The following DIAPH2 variants were observed in gnomAD, a reference collection of about 807,000 sequenced individuals.
DIAPH2 encodes diaphanous related formin 2.
In DIAPH2, 35 loss-of-function variants were observed where a neutral mutation model predicts 92.7. The observed-to-expected ratio is 0.38, with a 90% confidence interval of 0.29 to 0.50. DIAPH2 has a LOEUF of 0.50. DIAPH2 is among the 20% of genes least tolerant of loss of function. The pLI is 0.94. For missense variants in DIAPH2, 701 were observed against 819.5 expected (o/e 0.86, Z 1.77); for synonymous variants, 301 against 280.4 (o/e 1.07, Z -0.73).
At chrX:97,270,503 T>G (rs932251267) in intron 23 of DIAPH2, among the ~76,000 whole-genome samples, 1 of 111,876 alleles carries the variant, frequency 8.9e-6, no homozygotes, top group Admixed American at 9.5e-5. Flanking sequence ...GGTGGCAGCC[T>G]TAACAAGGAT....
chrX:97,570,135 TAGA>T (rs1569426295), intron 26 of DIAPH2, among the ~76,000 whole-genome samples: 1 of 71,882 alleles, frequency 1.4e-5, no homozygotes, highest in African/African-American at 5.4e-5. Context: ...AGAAGATAGA[TAGA>T]TAGATAGATA....
intron 26 of DIAPH2, among the ~76,000 whole-genome samples, chrX:97,477,827 T>C (rs1255654360): frequency 5.4e-5 from 6 of 111,609 alleles, no homozygotes; most frequent in African/African-American, 2.0e-4. Flanking sequence ...CCTATAAATT[T>C]CTTATGAAAT....
intron 3 of DIAPH2, among the ~76,000 whole-genome samples, chrX:96,746,063 A>AT (rs2064147973): frequency 1.8e-5 from 2 of 110,486 alleles, no homozygotes; most frequent in Non-Finnish European, 3.8e-5. Flanking sequence ...AATAAACGTG[A>AT]TTTTTTTGTT....
chrX:96,981,270 A>T (rs1272894998), intron 17 of DIAPH2, among the ~76,000 whole-genome samples: 1 of 111,515 alleles, frequency 9.0e-6, no homozygotes, highest in Non-Finnish European at 1.9e-5. Context: ...GTTGTGGTTG[A>T]TTTAGTCAAT....
intron 23 of DIAPH2, among the ~76,000 whole-genome samples, chrX:97,291,497 A>G (rs2068590267): frequency 8.9e-6 from 1 of 111,888 alleles, no homozygotes; most frequent in Non-Finnish European, 1.9e-5. Context: ...TGATAGGACC[A>G]GGAATAGCTT....
chrX:97,503,353 C>A (rs1325371764), intron 26 of DIAPH2, among the ~76,000 whole-genome samples: 2 of 111,986 alleles, frequency 1.8e-5, no homozygotes, highest in Non-Finnish European at 3.8e-5. Flanking sequence ...GGTTTACATG[C>A]ACTTGAACTG....
chrX:96,976,870 G>T (rs1416374794), intron 17 of DIAPH2, among the ~76,000 whole-genome samples: 1 of 111,089 alleles, frequency 9.0e-6, no homozygotes, highest in African/African-American at 3.3e-5. Context: ...TCCCAAGAGC[G>T]ATTATAATTA....
At chrX:97,511,250 G>C (rs1442171004) in intron 26 of DIAPH2, among the ~76,000 whole-genome samples, 4 of 92,554 alleles carry the variant, frequency 4.3e-5, no homozygotes, top group African/African-American at 1.6e-4. Context: ...GGATTCCTAG[G>C]TATTTTATTC....
At chrX:97,370,177 T>A (rs761889592) in intron 24 of DIAPH2, among the ~76,000 whole-genome samples, 2 of 111,869 alleles carry the variant, frequency 1.8e-5, no homozygotes, top group African/African-American at 6.5e-5. Flanking sequence ...CACTGGATAT[T>A]AATCAGCCTA....
chrX:97,308,523 T>C (rs1003448056), intron 23 of DIAPH2, among the ~76,000 whole-genome samples: 5 of 110,665 alleles, frequency 4.5e-5, no homozygotes, highest in African/African-American at 6.6e-5. Context: ...GGCTCACGTC[T>C]GTAATCCCAG....
At chrX:96,722,956 T>G (rs2063997994) in intron 1 of DIAPH2, among the ~76,000 whole-genome samples, 1 of 112,027 alleles carries the variant, frequency 8.9e-6, no homozygotes, top group South Asian at 3.7e-4. Flanking sequence ...TCAGTTATGT[T>G]TGTAGCTTTG....
chrX:96,908,959 G>A, intron 5 of DIAPH2, among the ~76,000 whole-genome samples: 1 of 111,769 alleles, frequency 8.9e-6, no homozygotes, highest in Middle Eastern at 4.6e-3. Context: ...GGTTGGGAGG[G>A]CATGTAAAGC....
intron 26 of DIAPH2, among the ~76,000 whole-genome samples, chrX:97,561,011 G>A (rs1046713530): frequency 8.9e-6 from 1 of 112,048 alleles, no homozygotes; most frequent in Non-Finnish European, 1.9e-5. Flanking sequence ...AGAGTTATCT[G>A]AAGCATCTGG....
At chrX:96,774,698 G>A (rs829801) in intron 4 of DIAPH2, among the ~76,000 whole-genome samples, 43,466 of 110,703 alleles carry the variant, frequency 0.39, 7,125 homozygotes, top group South Asian at 0.54. Context: ...GTGCCTCTTC[G>A]AGTTTTTTTT....
chrX:97,294,684 C>T (rs1173597332), intron 23 of DIAPH2, among the ~76,000 whole-genome samples: 1 of 111,535 alleles, frequency 9.0e-6, no homozygotes, highest in African/African-American at 3.3e-5. Context: ...TTGTTATACA[C>T]TATCATCATC....
At chrX:97,239,854 CTCTCTT>C (rs1419464213) in intron 22 of DIAPH2, among the ~76,000 whole-genome samples, 1 of 108,874 alleles carries the variant, frequency 9.2e-6, no homozygotes, top group Non-Finnish European at 1.9e-5. Flanking sequence ...CTCTCTCTCT[CTCTCTT>C]TCTCTCTCTC....
At chrX:97,407,633 A>G (rs1178734042) in intron 25 of DIAPH2, among the ~76,000 whole-genome samples, 1 of 112,285 alleles carries the variant, frequency 8.9e-6, no homozygotes, top group Non-Finnish European at 1.9e-5. Context: ...GACATAGTTA[A>G]AAACAAATTT....
At chrX:96,793,429 A>G (rs994916530) in intron 4 of DIAPH2, among the ~76,000 whole-genome samples, 2 of 112,738 alleles carry the variant, frequency 1.8e-5, no homozygotes, top group Non-Finnish European at 3.8e-5. Context: ...TCAGCCTCCC[A>G]CAGTGCTGGG....
intron 3 of DIAPH2, among the ~76,000 whole-genome samples, chrX:96,754,954 G>GAAAAAAAAAAAAAAAAAAAAA (rs2064216966): frequency 2.4e-5 from 2 of 82,348 alleles, no homozygotes; most frequent in African/African-American, 4.3e-5. Context: ...AAAAAAAAAG[G>GAAAAAAAAAAAAAAAAAAAAA]AAATAGATAC....
Sources: allele counts gnomAD v4.1 joint callset (sites outside exome capture counted in the v4.1 genomes callset), GRCh38; gene constraint gnomAD v4.1.1; transcripts MANE v1.5; gene names NCBI Gene and HGNC (gene_info 2026-07-23, HGNC 2026-07-21).